NUTM2G: variants seen among roughly 807,000 people sequenced by gnomAD.
NUTM2G encodes NUT family member 2G.
Under a neutral mutation model 44.3 loss-of-function variants are expected in NUTM2G, and 29 were observed. The ratio of observed to expected loss-of-function variants is 0.66; its 90% CI spans 0.49 to 0.89. NUTM2G has a LOEUF of 0.89. Among genes scored for constraint, NUTM2G ranks in the 40% least tolerant of loss-of-function variants. The pLI, the probability that NUTM2G is intolerant of heterozygous loss-of-function variation, is 0.00. For missense variants in NUTM2G, 502 were observed against 946.5 expected (o/e 0.53, Z 6.16); for synonymous variants, 205 against 395.9 (o/e 0.52, Z 5.72).
At chr9:96,936,378 G>C (rs762216986) in intron 3 of NUTM2G, 47 bp from the exon 4 acceptor site, 3 of 1,549,004 alleles carry the variant, frequency 1.9e-6, no homozygotes, top group African/African-American at 2.7e-5. Flanking sequence ...CCTGGGGGGA[G>C]GGGGCCTGGA....
In NUTM2G at chr9:96,938,398, A is replaced by AAGGG; in HGVS notation, c.1476_1479dup (p.Cys494ArgfsTer20). 1 of 1,543,206 alleles carries AAGGG rather than the reference A, an allele frequency of 6.5e-7. No homozygotes were observed. The highest frequency in any genetic ancestry group is 8.8e-7 in the Non-Finnish European group (1 of 1,142,596). The stretch of plus-strand genomic sequence containing the variant: ...AAGCGCCTCCTGTCCTTGAAGGAGA[A>AAGGG]AGGGTGCGGGAGGGCAGCCCCTCGA... On this transcript the variant is annotated frameshift_variant, in exon 7 of 7. Coordinates refer to ENST00000372322, the MANE Select transcript of NUTM2G (RefSeq NM_001170741.3). LOFTEE classifies it low-confidence loss of function (END_TRUNC).
chr9:96,933,366 A>G (rs1256573861), intron 2 of NUTM2G, among the ~76,000 whole-genome samples: 1 of 150,062 alleles, frequency 6.7e-6, no homozygotes, highest in East Asian at 2.0e-4. Flanking sequence ...GTTTGGGTTT[A>G]GGTCTTTTTT....
At chr9:96,934,420 C>G (rs1021499070) in intron 2 of NUTM2G, among the ~76,000 whole-genome samples, 9 of 152,122 alleles carry the variant, frequency 5.9e-5, no homozygotes, top group Middle Eastern at 3.4e-3. Flanking sequence ...TTGCATCCCC[C>G]CTTGGAGCGG....
intron 1 of NUTM2G, among the ~76,000 whole-genome samples, chr9:96,930,814 G>A (rs1332702456): frequency 7.4e-6 from 1 of 134,680 alleles, no homozygotes; most frequent in Non-Finnish European, 1.5e-5. Context: ...GGCGTTATGT[G>A]TTATGGGTTA....
intron 4 of NUTM2G, 152 bp downstream of exon 4, chr9:96,936,716 G>C (rs959839499): frequency 2.9e-6 from 4 of 1,397,936 alleles, no homozygotes; most frequent in South Asian, 3.0e-5. Context: ...TATTGACCAG[G>C]TCAATACCTA....
In NUTM2G at chr9:96,935,369, C is replaced by T. The variant is rs538886264; in HGVS notation, c.755C>T (p.Thr252Met). ...CTGGCCCGGCGGAAGCCCACCATGA[C>T]GCTGGAGGAGGGACTGTGGCGGGCC... ...RSLARRKPTM[T>M]LEEGLWRAMR... Residue 252 changes from threonine to methionine, a missense_variant, in exon 3 of 7, where the codon ACG (threonine) becomes ATG (methionine). Physicochemically the swap from Thr to Met is moderately conservative, Grantham distance 81. Coordinates refer to ENST00000372322, the MANE Select transcript of NUTM2G (RefSeq NM_001170741.3). 1.6e-5 allele frequency: 26 copies of T among 1,612,020 alleles called. No homozygotes were observed. The highest frequency in any genetic ancestry group is 1.6e-4 in the East Asian group (7 of 44,880).
chr9:96,940,936 G>T (rs376261762), downstream of NUTM2G, among the ~76,000 whole-genome samples: 4,041 of 150,628 alleles, frequency 0.027, 22 homozygotes, highest in East Asian at 0.26. Context: ...CCCAGCTGAG[G>T]GCACAACAGG....
intron 2 of NUTM2G, among the ~76,000 whole-genome samples, chr9:96,934,855 G>C (rs1300282835): frequency 1.3e-5 from 2 of 152,004 alleles, no homozygotes; most frequent in African/African-American, 2.4e-5. Context: ...TGGGTGTCTG[G>C]TCAGGGCCCT....
intron 2 of NUTM2G, among the ~76,000 whole-genome samples, chr9:96,932,773 T>C (rs1826306942): frequency 2.0e-5 from 3 of 151,556 alleles, no homozygotes; most frequent in Non-Finnish European, 4.4e-5. Flanking sequence ...CTGCCTCAGC[T>C]TCCTGAGTAG....
chr9:96,931,873 C>T lies in NUTM2G; in HGVS notation c.168C>T (p.Leu56=). ...TTCCTCCAGCCGGCCCTCTGGTGCT[C>T]TCTGCCTTCCCCAGCACCCCTCTAG... The part of the protein sequence containing the change: ...AVVPPAGPLV[L]SAFPSTPLVA... The change falls in exon 2 of 7, where the codon CTC becomes CTT. Residue 56 remains leucine (L), a synonymous_variant. Coordinates refer to ENST00000372322, the MANE Select transcript of NUTM2G (RefSeq NM_001170741.3). 1.2e-6 allele frequency: 2 copies of T among 1,612,462 alleles called. No homozygotes were observed. Among genetic ancestry groups the T allele is most frequent in the Non-Finnish European group, 1.7e-6 (2 of 1,179,850 alleles).
intron 1 of NUTM2G, 58 bp from the exon 2 acceptor site, chr9:96,931,664 G>C (rs2119020140): frequency 1.2e-6 from 2 of 1,601,678 alleles, no homozygotes; most frequent in Admixed American, 1.7e-5. Flanking sequence ...TGATTCCCCA[G>C]TGACTAGAGT....
Position 96,931,878 on chromosome 9 carries a change from C to T in NUTM2G, c.173C>T (p.Ala58Val). 5.0e-6 allele frequency: 8 copies of T among 1,612,426 alleles called. No individual in the cohort carries two copies. The highest frequency in any genetic ancestry group is 6.8e-6 in the Non-Finnish European group (8 of 1,179,842). Reference protein sequence around the residue: ...VPPAGPLVLSAFPSTPLVAGQ... With the variant: ...VPPAGPLVLSVFPSTPLVAGQ... ...CCAGCCGGCCCTCTGGTGCTCTCTGCCTTCCCCAGCACCCCTCTAGTGGCA... is the reference window on the plus strand; with the variant it reads ...CCAGCCGGCCCTCTGGTGCTCTCTGTCTTCCCCAGCACCCCTCTAGTGGCA... Residue 58 changes from alanine (A) to valine (V), a missense_variant, in exon 2 of 7, where the codon GCC (alanine) becomes GTC (valine). Ala to Val is a moderately conservative substitution (Grantham distance 64, BLOSUM62 0). Coordinates refer to ENST00000372322, the MANE Select transcript of NUTM2G (RefSeq NM_001170741.3).
chr9:96,930,870 T>G (rs1826216576), intron 1 of NUTM2G, among the ~76,000 whole-genome samples: 3 of 119,770 alleles, frequency 2.5e-5, no homozygotes, highest in Admixed American at 9.9e-5. Flanking sequence ...TTCCATCCAG[T>G]GGTTTTTTTT....
In NUTM2G at chr9:96,931,976, C is replaced by A. The variant is rs769610021; in HGVS notation, c.271C>A (p.Pro91Thr). The change falls in exon 2 of 7, where the codon CCT becomes ACT. Residue 91 changes from proline (P) to threonine (T), a missense_variant. By Grantham distance (38) the Pro-to-Thr change is conservative (BLOSUM62 -1). Coordinates refer to ENST00000372322, the MANE Select transcript of NUTM2G (RefSeq NM_001170741.3). ...TGTCCAGATGAGGACAGAAGTGGGG[C>A]CTGTGAAGCCCCCTCAGGCACAGAC... ...VFVQMRTEVG[P>T]VKPPQAQTLI... The A allele has an allele frequency of 2.5e-6, 4 of 1,611,428 alleles. No homozygotes were observed. The highest frequency in any genetic ancestry group is 4.5e-5 in the East Asian group (2 of 44,846).
intron 5 of NUTM2G, among the ~76,000 whole-genome samples, chr9:96,937,612 T>C (rs555347831): frequency 2.6e-4 from 40 of 152,304 alleles, no homozygotes; most frequent in African/African-American, 9.6e-4. Flanking sequence ...TGTGTGGGTG[T>C]GGGTGTGAGT....
rs774102521 is a variant in NUTM2G, at chr9:96,931,782, C to T, written c.77C>T (p.Thr26Met). The change falls in exon 2 of 7, where the codon ACG becomes ATG. Residue 26 changes from threonine to methionine, a missense_variant. By Grantham distance (81) the Thr-to-Met change is moderately conservative. Transcript: ENST00000372322. ...CCTGGCACCTCCCTGTCTGTGTTCA[C>T]GGCTCTGCCCTTTGCCACACCCTCT... is the stretch of plus-strand genomic sequence containing the variant. ...VNPGTSLSVF[T>M]ALPFATPSPG... 102 of 1,611,562 alleles carry T rather than the reference C, an allele frequency of 6.3e-5. No homozygotes were observed. The highest frequency in any genetic ancestry group is 1.2e-4 in the Admixed American group (7 of 59,978).
At position 96,937,248 on chromosome 9, in the gene NUTM2G, G is replaced by C; in HGVS notation, c.1167G>C (p.Glu389Asp). ...VVQEYVDIME[E>D]LLGSHPGDTG... is the part of the protein sequence containing the mutation. ...AGGAGTATGTGGACATCATGGAGGA[G>C]CTGCTGGGGTCTCACCCTGGGGACA... The change falls in exon 5 of 7, where the codon GAG becomes GAC. Residue 389 changes from glutamate (E) to aspartate (D), a missense_variant. Glu to Asp is a conservative substitution (Grantham distance 45). Coordinates refer to ENST00000372322, the MANE Select transcript of NUTM2G (RefSeq NM_001170741.3). The C allele has an allele frequency of 2.5e-6, 4 of 1,613,450 alleles. No homozygotes were observed. The highest frequency in any genetic ancestry group is 3.4e-6 in the Non-Finnish European group (4 of 1,179,848).
rs978320340 is a variant in NUTM2G, at chr9:96,935,189, A to G, written c.714-139A>G. On this transcript the variant is annotated intron_variant, in intron 2 of 6. Coordinates refer to ENST00000372322, the MANE Select transcript of NUTM2G (RefSeq NM_001170741.3). Reference sequence around the variant, plus strand: ...TCTTGGGGGTGTGTCCTGGAGGCTGAGGAGCCCACATGGGGGAGAACAGGA... The same window carrying G: ...TCTTGGGGGTGTGTCCTGGAGGCTGGGGAGCCCACATGGGGGAGAACAGGA... 1.2e-5 allele frequency: 17 copies of G among 1,444,762 alleles called. No homozygotes were observed. The African/African-American group carries it at 2.3e-4, about 19-fold the overall frequency. The allele number at this position is 1,444,762 out of a possible 1,614,324, so 89.5% of individuals were successfully genotyped here.
rs558987617 is a variant in NUTM2G at position 96,931,828 on chromosome 9, G to A, written c.123G>A (p.Pro41=). 1.3e-5 allele frequency: 21 copies of A among 1,612,168 alleles called. No homozygotes were observed. The highest frequency in any genetic ancestry group is 2.7e-5 in the African/African-American group (2 of 74,786). ...CCTCTCCCGGCCCAACACACAGGCC[G>A]CCCCTCGTGACTGCAGTGGTTCCTC... is the stretch of plus-strand genomic sequence containing the variant. ...ATPSPGPTHR[P]PLVTAVVPPA... Residue 41 remains proline, a synonymous_variant, in exon 2 of 7, where the codon CCG becomes CCA. Coordinates refer to ENST00000372322, the MANE Select transcript of NUTM2G (RefSeq NM_001170741.3).
Sources: gnomAD v4.1 joint callset for allele counts (sites outside exome capture counted in the v4.1 genomes callset) on GRCh38, gnomAD v4.1.1 for gene constraint, MANE v1.5 for transcripts, NCBI Gene and HGNC (gene_info 2026-07-23, HGNC 2026-07-21) for gene names.